COA5: variants seen among roughly 807,000 people sequenced by gnomAD.
COA5 encodes the protein cytochrome c oxidase assembly factor 5.
Under a neutral mutation model 11.8 loss-of-function variants are expected in COA5, and 11 were observed. The observed-to-expected ratio is 0.93, with a 90% CI of 0.59 to 1.54. The LOEUF (loss-of-function observed/expected upper bound fraction) is 1.54. Among genes scored for constraint, COA5 ranks in the 40% most tolerant of loss-of-function variants. The pLI is 0.00. For synonymous variants in COA5, 38 were observed against 37.5 expected (o/e 1.01, Z -0.05); for missense variants, 87 against 89.2 (o/e 0.97, Z 0.10).
chr2:98,607,456 C>T (rs1700722510), intron 1 of COA5, among the ~76,000 whole-genome samples: 1 of 152,206 alleles, frequency 6.6e-6, no homozygotes, highest in Non-Finnish European at 1.5e-5. Context: ...AATCAGTGAA[C>T]CAAACAAATT....
At chr2:98,606,137 T>C (rs1291575380) in intron 1 of COA5, among the ~76,000 whole-genome samples, 2 of 152,180 alleles carry the variant, frequency 1.3e-5, no homozygotes, top group Admixed American at 6.5e-5. Flanking sequence ...CAACCTGCCA[T>C]AGGATCAGAT....
In COA5 at chr2:98,600,477, C is replaced by T; in HGVS notation, c.*275G>A. ...TTGCAAATAACAGTCTTTCCATTTTCTGTGCTTTAGAACAATTCTCAAAAC... is the reference window on the plus strand; with the variant it reads ...TTGCAAATAACAGTCTTTCCATTTTTTGTGCTTTAGAACAATTCTCAAAAC... On this transcript the variant is annotated 3_prime_UTR_variant, in exon 3 of 3. Transcript: ENST00000328709. 1 of 471,694 alleles carries T rather than the reference C, an allele frequency of 2.1e-6. No homozygotes were observed. The highest frequency in any genetic ancestry group is 1.9e-5 in the African/African-American group (1 of 51,332). The allele number at this position is 471,694 out of a possible 1,614,324, so 29.2% of individuals were successfully genotyped here. A position where few individuals can be genotyped will look rare whatever the true frequency, so the allele number is the denominator to read the frequency against.
chr2:98,600,495 C>T lies in COA5; in HGVS notation c.*257G>A, dbSNP rs1700626778. ...CCATTTTCTGTGCTTTAGAACAATTCTCAAAACACATTTATTATGCTCCCA... is the reference window on the plus strand; with the variant it reads ...CCATTTTCTGTGCTTTAGAACAATTTTCAAAACACATTTATTATGCTCCCA... On this transcript the variant is annotated 3_prime_UTR_variant, in exon 3 of 3. Transcript: ENST00000328709. 1 of 511,738 alleles carries T rather than the reference C, an allele frequency of 2.0e-6. No individual in the cohort carries two copies. The highest frequency in any genetic ancestry group is 3.5e-6 in the Non-Finnish European group (1 of 282,692). The allele number at this position is 511,738 out of a possible 1,614,324, so 31.7% of individuals were successfully genotyped here.
At position 98,608,423 on chromosome 2, in the gene COA5, G is replaced by C; in HGVS notation, c.-18C>G. On this transcript the variant is annotated 5_prime_UTR_variant, in exon 1 of 3. It adds an upstream start codon to the 5' untranslated region. Transcript: ENST00000328709. Reference sequence around the variant, plus strand: ...TTAGGCATGACGGCGCTTCCCCTCCGATGCGGACGCGACTTTCTCCCACCG... The same window carrying C: ...TTAGGCATGACGGCGCTTCCCCTCCCATGCGGACGCGACTTTCTCCCACCG... 1 of 1,565,774 alleles carries C rather than the reference G, an allele frequency of 6.4e-7. No homozygotes were observed. The highest frequency in any genetic ancestry group is 8.7e-7 in the Non-Finnish European group (1 of 1,153,776).
At chr2:98,604,377 T>C (rs918791481) in intron 1 of COA5, 186 bp from the exon 2 acceptor site, 1 of 583,428 alleles carries the variant, frequency 1.7e-6, no homozygotes, top group Non-Finnish European at 3.0e-6. Flanking sequence ...AATTGTAAAG[T>C]AACTTGGGAA....
At chr2:98,603,758 C>A (rs761475148) in intron 2 of COA5, among the ~76,000 whole-genome samples, 25 of 152,286 alleles carry the variant, frequency 1.6e-4, no homozygotes, top group Non-Finnish European at 3.2e-4. Context: ...AATGTATACA[C>A]CTTGGAGCTC....
chr2:98,605,621 A>G (rs1239223063), intron 1 of COA5: 2 of 152,206 alleles, frequency 1.3e-5, no homozygotes, highest in African/African-American at 4.8e-5. Context: ...TACACTCCCA[A>G]GCTTTTTTGC....
At chr2:98,603,956 A>G (rs988823167) in intron 2 of COA5, 152 bp downstream of exon 2, 1 of 627,806 alleles carries the variant, frequency 1.6e-6, no homozygotes, top group East Asian at 2.8e-5. Context: ...AACGCTACCT[A>G]ACGTTAACTC....
chr2:98,606,938 C>A (rs1209524127), intron 1 of COA5, among the ~76,000 whole-genome samples: 2 of 152,148 alleles, frequency 1.3e-5, no homozygotes, highest in African/African-American at 4.8e-5. Flanking sequence ...CAGATTTTCC[C>A]CACAACCACA....
chr2:98,606,096 G>A (rs1575225544), intron 1 of COA5, among the ~76,000 whole-genome samples: 1 of 152,162 alleles, frequency 6.6e-6, no homozygotes, highest in East Asian at 1.9e-4. Context: ...TTTCAGGTGG[G>A]TTAAAGACTG....
rs149925948 is a variant in COA5, at chr2:98,604,011, T to C, written c.183+97A>G. 54 of 889,770 alleles carry C rather than the reference T, an allele frequency of 6.1e-5. No individual in the cohort carries two copies. In the African/African-American group the frequency reaches 7.0e-4, roughly 12 times the overall value. 55.1% of individuals were successfully genotyped at this position (889,770 alleles called of 1,614,324 possible). A position where few individuals can be genotyped will look rare whatever the true frequency, so the allele number is the denominator to read the frequency against. ...TCTATGTAATTTTTTCCAAACCATATCACTGCAACTTACCTATAACTATTA... is the reference window on the plus strand; with the variant it reads ...TCTATGTAATTTTTTCCAAACCATACCACTGCAACTTACCTATAACTATTA... On this transcript the variant is annotated intron_variant, in intron 2 of 2. Transcript: ENST00000328709.
Position 98,603,019 on chromosome 2 carries a change from A to C in COA5, c.183+1089T>G, listed in dbSNP as rs963638940. Among the ~76,000 whole-genome samples, 14 of 152,354 alleles carry C rather than the reference A, an allele frequency of 9.2e-5. No homozygotes were observed. In the East Asian group the frequency reaches 2.7e-3, roughly 29 times the overall value. On this transcript the variant is annotated intron_variant, in intron 2 of 2. Coordinates refer to ENST00000328709, the MANE Select transcript of COA5 (RefSeq NM_001008215.3). ...TGTCACTTAAGAAAGTAAACAGAGC[A>C]GGGCCAAATTTAATCTAACTTTACA... is the stretch of plus-strand genomic sequence containing the variant.
intron 2 of COA5, among the ~76,000 whole-genome samples, chr2:98,601,134 A>G (rs1407132660): frequency 6.6e-6 from 1 of 152,038 alleles, no homozygotes; most frequent in African/African-American, 2.4e-5. Context: ...AATCCCAGCT[A>G]CTCAGGAGGC....
intron 1 of COA5, among the ~76,000 whole-genome samples, chr2:98,607,950 G>A (rs187753735): frequency 7.4e-4 from 113 of 152,306 alleles, no homozygotes; most frequent in African/African-American, 2.7e-3. Context: ...GCAACTCTCT[G>A]GAATCATTAA....
chr2:98,608,392 T>C lies in COA5; in HGVS notation c.14A>G (p.Tyr5Cys). The stretch of plus-strand genomic sequence containing the variant: ...CGCGCCGCCCTGCGGCTTGTCCTCA[T>C]AATACTTAGGCATGACGGCGCTTCC... MPKY[Y>C]EDKPQGGACA... Residue 5 changes from tyrosine (Y) to cysteine (C), a missense_variant, in exon 1 of 3, where the codon TAT becomes TGT. Transcript: ENST00000328709. 6.2e-7 allele frequency: 1 copy of C among 1,602,272 alleles called. No homozygotes were observed. The highest frequency in any genetic ancestry group is 8.5e-7 in the Non-Finnish European group (1 of 1,175,982).
chr2:98,608,219 C>T (rs1031034517), intron 1 of COA5, 88 bp downstream of exon 1: 7 of 1,004,142 alleles, frequency 7.0e-6, no homozygotes, highest in Non-Finnish European at 1.1e-5. Context: ...TAACTCCAAC[C>T]GCCGCCGCGG....
intron 1 of COA5, among the ~76,000 whole-genome samples, chr2:98,606,180 A>C (rs530498365): frequency 6.6e-6 from 1 of 152,310 alleles, no homozygotes; most frequent in East Asian, 1.9e-4. Context: ...AAGAAATCAA[A>C]AATTTCCATC....
rs1221811530 is a variant in COA5, at chr2:98,608,315, C to T, written c.91G>A (p.Val31Met). 6.2e-7 allele frequency: 1 copy of T among 1,603,738 alleles called. No individual in the cohort carries two copies. The highest frequency in any genetic ancestry group is 1.1e-5 in the South Asian group (1 of 89,756). ...GCGCCCGGCCGCGCTACCTGGACCA[C>T]ACAGTCCGACTGCAGCAGACACGCG... Reference protein sequence around the residue: ...LGACLLQSDCVVQEGKSPRQC... With the variant: ...LGACLLQSDCMVQEGKSPRQC... The change falls in exon 1 of 3, where the codon GTG becomes ATG. Residue 31 changes from valine (V) to methionine (M), a missense_variant. By Grantham distance (21) the Val-to-Met change is conservative (BLOSUM62 1). Transcript: ENST00000328709.
chr2:98,605,010 A>G (rs959136910), intron 1 of COA5, among the ~76,000 whole-genome samples: 2 of 152,264 alleles, frequency 1.3e-5, no homozygotes, highest in Non-Finnish European at 2.9e-5. Flanking sequence ...ATAAAAGGTT[A>G]TAACTATAGT....
Sources: gnomAD v4.1 joint callset for allele counts (sites outside exome capture counted in the v4.1 genomes callset) on GRCh38, gnomAD v4.1.1 for gene constraint, MANE v1.5 for transcripts, NCBI Gene and HGNC (gene_info 2026-07-23, HGNC 2026-07-21) for gene names.